PILRA: variants seen among roughly 807,000 people sequenced by gnomAD.
PILRA encodes paired immunoglobulin-like type 2 receptor alpha.
A neutral mutation model predicts 33.1 loss-of-function variants in PILRA; 37 were observed. The observed-to-expected ratio is 1.12, with a 90% CI of 0.86 to 1.47. The LOEUF (loss-of-function observed/expected upper bound fraction) is 1.47. Among genes scored for constraint, PILRA ranks in the 40% most tolerant of loss-of-function variants. PILRA has a pLI of 0.00. For missense variants in PILRA, 312 were observed against 376.2 expected, an observed-to-expected ratio of 0.83 and a Z score of 1.41; for synonymous variants, 146 against 149.9, an observed-to-expected ratio of 0.97 and a Z score of 0.19.
intron 2 of PILRA, chr7:100,374,864 A>G (rs143661553): frequency 3.7e-4 from 90 of 241,796 alleles, no homozygotes; most frequent in African/African-American, 1.8e-3. Flanking sequence ...TGGGCCCCAT[A>G]CCTTGCATCT....
chr7:100,373,351 C>G (rs1790860851), upstream of PILRA: 1 of 549,310 alleles, frequency 1.8e-6, no homozygotes, highest in Non-Finnish European at 3.3e-6. Context: ...GGCCCAGCCC[C>G]CCAAGGTCAG....
chr7:100,393,983 CAT>C (rs1294329720), intron 3 of PILRA, among the ~76,000 whole-genome samples: 1 of 152,178 alleles, frequency 6.6e-6, no homozygotes, highest in Non-Finnish European at 1.5e-5. Flanking sequence ...AATTTGGTCA[CAT>C]ATCCCACAGC....
At chr7:100,399,481 C>A in intron 5 of PILRA, 100 bp from the exon 6 acceptor site, 2 of 1,476,054 alleles carry the variant, frequency 1.4e-6, no homozygotes, top group South Asian at 1.1e-5. Flanking sequence ...GACCCTGGCC[C>A]TGACCTAGCA....
chr7:100,382,174 T>G (rs1791120700), intron 2 of PILRA, among the ~76,000 whole-genome samples: 2 of 152,154 alleles, frequency 1.3e-5, no homozygotes, highest in Non-Finnish European at 2.9e-5. Context: ...GGGGATCCAA[T>G]GGGTGAAGCC....
At chr7:100,396,468 C>T (rs113379351) in intron 3 of PILRA, among the ~76,000 whole-genome samples, 5,038 of 152,162 alleles carry the variant, frequency 0.033, 286 homozygotes, top group African/African-American at 0.11. Context: ...GCATGACCAA[C>T]GTGGTGAAAC....
intron 2 of PILRA, among the ~76,000 whole-genome samples, chr7:100,388,882 T>C (rs1791315769): frequency 6.6e-6 from 1 of 151,122 alleles, no homozygotes; most frequent in African/African-American, 2.4e-5. Flanking sequence ...GACACAGGAA[T>C]GAGGAGTTGT....
intron 5 of PILRA, 87 bp from the exon 6 acceptor site, chr7:100,399,494 T>C: frequency 1.3e-6 from 2 of 1,508,512 alleles, no homozygotes; most frequent in East Asian, 4.5e-5. Flanking sequence ...ACCTAGCAGA[T>C]AACCTCACTC....
intron 2 of PILRA, among the ~76,000 whole-genome samples, chr7:100,383,707 G>A (rs899314150): frequency 2.6e-5 from 4 of 151,568 alleles, no homozygotes; most frequent in Admixed American, 1.3e-4. Flanking sequence ...CATGGTCTTC[G>A]GTCACTGAAC....
chr7:100,399,721 G>A, intron 6 of PILRA, 64 bp from the exon 7 acceptor site: 1 of 1,612,116 alleles, frequency 6.2e-7, no homozygotes, highest in South Asian at 1.1e-5. Flanking sequence ...CTGTAGGCTT[G>A]CCGCTAAGAT....
intron 6 of PILRA, 56 bp downstream of exon 6, chr7:100,399,668 G>A: frequency 6.2e-7 from 1 of 1,612,312 alleles, no homozygotes; most frequent in Non-Finnish European, 8.5e-7. Flanking sequence ...AGAAGGTGGG[G>A]TGGAAGGGAG....
chr7:100,385,722 C>T (rs1032447327), intron 2 of PILRA, among the ~76,000 whole-genome samples: 10 of 151,988 alleles, frequency 6.6e-5, no homozygotes, highest in Non-Finnish European at 1.0e-4. Context: ...CTCTGCCTCC[C>T]GGGTTCATGC....
At chr7:100,391,302 C>T (rs1791386475) in intron 3 of PILRA, among the ~76,000 whole-genome samples, 1 of 151,366 alleles carries the variant, frequency 6.6e-6, no homozygotes, top group African/African-American at 2.4e-5. Flanking sequence ...TTACAATGAG[C>T]TGTGATTTCA....
chr7:100,372,070 C>T (rs1282237503), upstream of PILRA, among the ~76,000 whole-genome samples: 1 of 152,174 alleles, frequency 6.6e-6, no homozygotes. Context: ...GCCACCCTCT[C>T]GAGGCCCTGC....
chr7:100,375,340 A>G (rs1296221224), intron 2 of PILRA, among the ~76,000 whole-genome samples: 1 of 152,230 alleles, frequency 6.6e-6, no homozygotes, highest in Admixed American at 6.5e-5. Flanking sequence ...AACAAGAGGA[A>G]CTGCTATTCT....
At chr7:100,393,173 G>A (rs1563121804) in intron 3 of PILRA, among the ~76,000 whole-genome samples, 1 of 152,060 alleles carries the variant, frequency 6.6e-6, no homozygotes, top group African/African-American at 2.4e-5. Context: ...CCAGCTACTT[G>A]GGGGGCTGAG....
chr7:100,389,496 C>T (rs1261657066), intron 2 of PILRA, among the ~76,000 whole-genome samples: 2 of 151,950 alleles, frequency 1.3e-5, no homozygotes, highest in East Asian at 3.9e-4. Context: ...GTTCTGAGGT[C>T]ACCCTGCTGA....
intron 3 of PILRA, among the ~76,000 whole-genome samples, chr7:100,397,554 G>T (rs1429697900): frequency 6.6e-6 from 1 of 152,026 alleles, no homozygotes; most frequent in South Asian, 2.1e-4. Flanking sequence ...GGGAAGGGGA[G>T]GGGAGGGGAG....
intron 3 of PILRA, among the ~76,000 whole-genome samples, chr7:100,396,645 T>C (rs1295363036): frequency 6.6e-6 from 1 of 151,912 alleles, no homozygotes; most frequent in Non-Finnish European, 1.5e-5. Flanking sequence ...AGAGCGAAAC[T>C]CTGTCTCAAA....
At chr7:100,378,735 A>G (rs920340046) in intron 2 of PILRA, among the ~76,000 whole-genome samples, 1 of 151,944 alleles carries the variant, frequency 6.6e-6, no homozygotes, top group Non-Finnish European at 1.5e-5. Flanking sequence ...TTTACCCTCC[A>G]TATTTCCTCG....
Sources: allele counts gnomAD v4.1 joint callset (sites outside exome capture counted in the v4.1 genomes callset), GRCh38; gene constraint gnomAD v4.1.1; transcripts MANE v1.5; gene names NCBI Gene and HGNC (gene_info 2026-07-23, HGNC 2026-07-21).